Variants in CSMD1 observed in about 807,000 individuals in gnomAD.
The protein encoded by CSMD1 is CUB and sushi domain-containing protein 1.
Under a neutral mutation model 417.5 loss-of-function variants are expected in CSMD1, and 213 were observed. The ratio of observed to expected loss-of-function variants is 0.51; its 90% CI spans 0.46 to 0.57. The LOEUF is 0.57. Among genes scored for constraint, CSMD1 ranks in the 20% least tolerant of loss-of-function variants. The probability of loss-of-function intolerance (pLI) is 0.00; values close to 1 mark genes in which losing one functional copy is unlikely to be tolerated. For synonymous variants in CSMD1, 2,862 were observed against 1,736.8 expected (o/e 1.65, Z -16.11); for missense variants, 6,923 against 4,529.7 (o/e 1.53, Z -15.17).
chr8:4,236,756 A>C (rs1802090371), intron 3 of CSMD1, among the ~76,000 whole-genome samples: 1 of 152,240 alleles, frequency 6.6e-6, no homozygotes, highest in Non-Finnish European at 1.5e-5. Context: ...AAAATGGCTT[A>C]TCTCAATACA....
chr8:4,321,371 A>C (rs1162572271), intron 3 of CSMD1, among the ~76,000 whole-genome samples: 1 of 152,232 alleles, frequency 6.6e-6, no homozygotes, highest in Non-Finnish European at 1.5e-5. Context: ...GTTAAAGCAT[A>C]AGAACGGAGC....
intron 3 of CSMD1, among the ~76,000 whole-genome samples, chr8:4,198,640 C>G (rs939773075): frequency 1.8e-4 from 27 of 152,120 alleles, no homozygotes; most frequent in Admixed American, 6.5e-4. Flanking sequence ...GATAATGTCC[C>G]ATTATCAACA....
chr8:3,380,251 G>C (rs1381941456), intron 18 of CSMD1, among the ~76,000 whole-genome samples: 2 of 152,174 alleles, frequency 1.3e-5, no homozygotes, highest in Non-Finnish European at 2.9e-5. Flanking sequence ...AGATGCTGGA[G>C]AGGCTGTGGA....
chr8:3,626,105 C>T (rs938455377), intron 7 of CSMD1, among the ~76,000 whole-genome samples: 2 of 152,142 alleles, frequency 1.3e-5, no homozygotes, highest in Non-Finnish European at 2.9e-5. Flanking sequence ...CTGTCTGATT[C>T]CACATGGTGC....
At chr8:3,343,960 C>A (rs13281057) in intron 22 of CSMD1, among the ~76,000 whole-genome samples, 21,314 of 152,126 alleles carry the variant, frequency 0.14, 1,777 homozygotes, top group African/African-American at 0.23. Flanking sequence ...TGCAAGCCTC[C>A]GGTGGCTTTC....
intron 8 of CSMD1, among the ~76,000 whole-genome samples, chr8:3,613,832 A>G (rs1802009513): frequency 6.6e-6 from 1 of 152,140 alleles, no homozygotes. Flanking sequence ...AATGAAAGCC[A>G]GAACACTTTC....
intron 4 of CSMD1, among the ~76,000 whole-genome samples, chr8:4,017,986 T>G (rs1452377872): frequency 6.6e-6 from 1 of 152,192 alleles, no homozygotes; most frequent in African/African-American, 2.4e-5. Context: ...TGTTGCATTT[T>G]GATTAATTGC....
At chr8:4,901,693 A>G (rs186187784) in intron 1 of CSMD1, among the ~76,000 whole-genome samples, 2 of 152,238 alleles carry the variant, frequency 1.3e-5, no homozygotes, top group East Asian at 3.8e-4. Flanking sequence ...GGCAGTATGC[A>G]TACTAGCATA....
Position 4,122,365 on chromosome 8 carries a change from C to G in CSMD1, c.416-90266G>C, listed in dbSNP as rs867925543. ...GAAGAAATAGGATTTACTATATACTCAGTGCCAACAATTTGCCAGGCTGTA... is the reference window on the plus strand; with the variant it reads ...GAAGAAATAGGATTTACTATATACTGAGTGCCAACAATTTGCCAGGCTGTA... On this transcript the variant is annotated intron_variant, in intron 3 of 69. Transcript: ENST00000635120. 2.6e-5 allele frequency among the ~76,000 whole-genome samples: 4 copies of G among 152,268 alleles called. No individual in the cohort carries two copies. The South Asian group carries it at 8.3e-4, about 32-fold the overall frequency.
intron 4 of CSMD1, among the ~76,000 whole-genome samples, chr8:4,017,563 C>G (rs760555319): frequency 6.6e-6 from 1 of 152,140 alleles, no homozygotes; most frequent in Non-Finnish European, 1.5e-5. Flanking sequence ...ACCTTGGTCT[C>G]CCAAAGTGCT....
intron 3 of CSMD1, among the ~76,000 whole-genome samples, chr8:4,327,324 T>C (rs891354142): frequency 1.3e-5 from 2 of 152,166 alleles, no homozygotes; most frequent in African/African-American, 4.8e-5. Context: ...CAAGAGCAAT[T>C]TTAAGAGAGA....
chr8:4,268,234 G>A (rs1033429536), intron 3 of CSMD1, among the ~76,000 whole-genome samples: 9 of 152,218 alleles, frequency 5.9e-5, no homozygotes, highest in South Asian at 4.1e-4. Flanking sequence ...TAATTGTAAG[G>A]TGAGCAAAAG....
intron 1 of CSMD1, among the ~76,000 whole-genome samples, chr8:4,686,103 G>A (rs912254173): frequency 6.6e-6 from 1 of 152,148 alleles, no homozygotes; most frequent in Non-Finnish European, 1.5e-5. Context: ...TTTCGTTACA[G>A]AAGCTGTGTC....
chr8:3,409,635 A>C, intron 12 of CSMD1, 30 bp from the exon 13 acceptor site: 1 of 1,509,992 alleles, frequency 6.6e-7, no homozygotes, highest in Non-Finnish European at 9.0e-7. Context: ...TGAACCCTTA[A>C]AAAAACACAC....
chr8:3,556,132 C>T (rs1388708559), intron 10 of CSMD1, among the ~76,000 whole-genome samples: 2 of 152,010 alleles, frequency 1.3e-5, no homozygotes, highest in Non-Finnish European at 2.9e-5. Context: ...CAGCACAAAA[C>T]AGAGGAACTA....
intron 1 of CSMD1, among the ~76,000 whole-genome samples, chr8:4,978,880 G>A (rs1047196872): frequency 5.3e-5 from 8 of 150,138 alleles, no homozygotes; most frequent in Non-Finnish European, 1.0e-4. Flanking sequence ...GGAGGTTGCA[G>A]TGAGCTGAGA....
intron 23 of CSMD1, among the ~76,000 whole-genome samples, chr8:3,320,785 G>C (rs1806100871): frequency 6.6e-6 from 1 of 152,166 alleles, no homozygotes; most frequent in Non-Finnish European, 1.5e-5. Flanking sequence ...GCTTATTCCT[G>C]AGGCATTAAT....
At chr8:3,634,498 A>T (rs1796936474) in intron 7 of CSMD1, among the ~76,000 whole-genome samples, 1 of 152,080 alleles carries the variant, frequency 6.6e-6, no homozygotes, top group Non-Finnish European at 1.5e-5. Context: ...GCAAGTTTGA[A>T]CCTGCTGTCT....
At chr8:3,433,649 C>A (rs547867267) in intron 12 of CSMD1, among the ~76,000 whole-genome samples, 1 of 152,152 alleles carries the variant, frequency 6.6e-6, no homozygotes, top group South Asian at 2.1e-4. Context: ...GGCCATTTAG[C>A]GCCCAACATT....
Sources: allele counts gnomAD v4.1 joint callset (sites outside exome capture counted in the v4.1 genomes callset), GRCh38; gene constraint gnomAD v4.1.1; transcripts MANE v1.5; gene names NCBI Gene and HGNC (gene_info 2026-07-23, HGNC 2026-07-21).